VEGFC: variants seen among roughly 807,000 people sequenced by gnomAD.
VEGFC encodes vascular endothelial growth factor C, also known as FLT4 ligand DHM.
Under a neutral mutation model 46.1 loss-of-function variants are expected in VEGFC, and 12 were observed. The ratio of observed to expected loss-of-function variants is 0.26; its 90% CI spans 0.17 to 0.42. VEGFC has a LOEUF of 0.42. Among genes scored for constraint, VEGFC ranks in the 10% least tolerant of loss-of-function variants. The pLI is 1.00. For missense variants in VEGFC, 488 were observed against 529.4 expected, an observed-to-expected ratio of 0.92 and a Z score of 0.77; for synonymous variants, 232 against 195.5, an observed-to-expected ratio of 1.19 and a Z score of -1.56.
intron 4 of VEGFC, among the ~76,000 whole-genome samples, chr4:176,703,727 A>G (rs1359205861): frequency 6.6e-6 from 1 of 152,138 alleles, no homozygotes; most frequent in Non-Finnish European, 1.5e-5. Flanking sequence ...TCAAAATATC[A>G]CATATACCCC....
chr4:176,762,186 T>C (rs1735541882), intron 1 of VEGFC, among the ~76,000 whole-genome samples: 1 of 152,178 alleles, frequency 6.6e-6, no homozygotes, highest in South Asian at 2.1e-4. Flanking sequence ...CAGTTATTTC[T>C]TGGTATAGTT....
intron 1 of VEGFC, among the ~76,000 whole-genome samples, chr4:176,733,133 G>A (rs1734995821): frequency 6.6e-6 from 1 of 151,964 alleles, no homozygotes; most frequent in Admixed American, 6.6e-5. Context: ...ACAAGGACGT[G>A]CAGCAACTGG....
rs867302193 is a variant in VEGFC at position 176,693,628 on chromosome 4, G to A, written c.705-5701C>T. Among the ~76,000 whole-genome samples, 402 of 146,896 alleles carry A rather than the reference G, an allele frequency of 2.7e-3. 2 individuals are homozygous for A. The highest frequency in any genetic ancestry group is 0.01 in the African/African-American group (377 of 37,268). The stretch of plus-strand genomic sequence containing the variant: ...TTCAGATTCAGGAAATACAGAGAAT[G>A]CCACAAAGATACTCCTCGAGAAGAG... On this transcript the variant is annotated intron_variant, in intron 4 of 6. Transcript: ENST00000618562.
chr4:176,727,832 G>A lies in VEGFC; in HGVS notation c.498C>T (p.Cys166=), dbSNP rs968699294. 4.3e-6 allele frequency: 7 copies of A among 1,613,692 alleles called. No homozygotes were observed. The African/African-American group carries it at 8.0e-5, about 18-fold the overall frequency. ...TCATGCACTGCAGCCCCTCACTATTGCAGCAACCCCCACATCTGTAGACGG... is the reference window on the plus strand; with the variant it reads ...TCATGCACTGCAGCCCCTCACTATTACAGCAACCCCCACATCTGTAGACGG... The part of the protein sequence containing the change: ...CVSVYRCGGC[C]NSEGLQCMNT... Residue 166 remains cysteine (C), a synonymous_variant, in exon 3 of 7, where the codon TGC becomes TGT. Transcript: ENST00000618562.
At chr4:176,688,210 C>T (rs2110964629) in intron 4 of VEGFC, among the ~76,000 whole-genome samples, 1 of 152,212 alleles carries the variant, frequency 6.6e-6, no homozygotes. Flanking sequence ...AGGGTTTTAG[C>T]TTGTGAAATA....
intron 1 of VEGFC, among the ~76,000 whole-genome samples, chr4:176,735,192 A>G (rs925856344): frequency 6.6e-6 from 1 of 151,886 alleles, no homozygotes; most frequent in Non-Finnish European, 1.5e-5. Context: ...ATGTTCTATT[A>G]TAATTTCTGA....
intron 4 of VEGFC, among the ~76,000 whole-genome samples, chr4:176,701,149 T>C (rs536247110): frequency 1.7e-4 from 26 of 152,312 alleles, no homozygotes; most frequent in African/African-American, 5.3e-4. Flanking sequence ...CTGTTACAAA[T>C]GTACCATGCT....
At chr4:176,711,707 A>G in intron 3 of VEGFC, 57 bp from the exon 4 acceptor site, 4 of 1,577,460 alleles carry the variant, frequency 2.5e-6, no homozygotes, top group Non-Finnish European at 3.5e-6. Flanking sequence ...AAGCACTTTT[A>G]TGGTAAATAT....
chr4:176,779,574 C>G (rs1735872122), intron 1 of VEGFC, among the ~76,000 whole-genome samples: 1 of 152,102 alleles, frequency 6.6e-6, no homozygotes, highest in South Asian at 2.1e-4. Flanking sequence ...AGGGGCACAT[C>G]ATCAAGTGGG....
At chr4:176,728,403 G>A (rs1193263250) in intron 2 of VEGFC, among the ~76,000 whole-genome samples, 1 of 152,146 alleles carries the variant, frequency 6.6e-6, no homozygotes, top group Non-Finnish European at 1.5e-5. Context: ...TTAAAACTGA[G>A]TTGCATATGA....
intron 1 of VEGFC, among the ~76,000 whole-genome samples, chr4:176,753,457 G>T (rs903669300): frequency 6.6e-6 from 1 of 152,132 alleles, no homozygotes; most frequent in East Asian, 1.9e-4. Context: ...CTTTCATAGG[G>T]ATGATTTGTT....
intron 1 of VEGFC, among the ~76,000 whole-genome samples, chr4:176,731,968 A>G (rs932774836): frequency 6.6e-6 from 1 of 151,992 alleles, no homozygotes; most frequent in African/African-American, 2.4e-5. Flanking sequence ...CACAATAGAG[A>G]AAATGCAATA....
intron 1 of VEGFC, among the ~76,000 whole-genome samples, chr4:176,758,443 T>C (rs983311196): frequency 1.3e-5 from 2 of 152,148 alleles, no homozygotes; most frequent in African/African-American, 4.8e-5. Context: ...GCATCAATCA[T>C]ACCAGACACT....
chr4:176,737,803 T>A (rs1467047249), intron 1 of VEGFC, among the ~76,000 whole-genome samples: 1 of 151,850 alleles, frequency 6.6e-6, no homozygotes, highest in Non-Finnish European at 1.5e-5. Flanking sequence ...GGGTTTAAAA[T>A]ATATTTATAT....
chr4:176,692,116 C>G (rs117452501), intron 4 of VEGFC, among the ~76,000 whole-genome samples: 33,904 of 150,722 alleles, frequency 0.22, 6,153 homozygotes, highest in African/African-American at 0.51. Flanking sequence ...GCGCACCGGC[C>G]CGGCGCGGTG....
At chr4:176,691,013 A>C (rs984214048) in intron 4 of VEGFC, among the ~76,000 whole-genome samples, 1 of 152,228 alleles carries the variant, frequency 6.6e-6, no homozygotes, top group Non-Finnish European at 1.5e-5. Context: ...GATATGTAAT[A>C]AAATACAAAC....
At chr4:176,766,757 T>C (rs1464634223) in intron 1 of VEGFC, among the ~76,000 whole-genome samples, 3 of 151,986 alleles carry the variant, frequency 2.0e-5, no homozygotes, top group African/African-American at 4.8e-5. Flanking sequence ...CAGAGAAATA[T>C]GCTAGGTTAC....
chr4:176,764,354 GGGCCTTT>G (rs1579129955), intron 1 of VEGFC, among the ~76,000 whole-genome samples: 2 of 152,238 alleles, frequency 1.3e-5, no homozygotes, highest in East Asian at 3.9e-4. Context: ...ATTAAAGTTT[GGGCCTTT>G]AAAGGCAGTC....
chr4:176,695,287 T>G (rs529942914), intron 4 of VEGFC, among the ~76,000 whole-genome samples: 8,849 of 149,436 alleles, frequency 0.059, 319 homozygotes, highest in Non-Finnish European at 0.09. Context: ...TAAAAAATGA[T>G]AAAGGGGATA....
Sources: gnomAD v4.1 joint callset for allele counts (sites outside exome capture counted in the v4.1 genomes callset) on GRCh38, gnomAD v4.1.1 for gene constraint, MANE v1.5 for transcripts, NCBI Gene and HGNC (gene_info 2026-07-23, HGNC 2026-07-21) for gene names.